DSCAML1: variants seen among roughly 807,000 people sequenced by gnomAD.
DSCAML1 encodes DS cell adhesion molecule like 1, also known as cell adhesion molecule DSCAML1.
DSCAML1 carries 38 observed loss-of-function variants against 200.5 expected under a neutral mutation model. The observed-to-expected ratio is 0.19, with a 90% confidence interval of 0.15 to 0.25. The LOEUF is 0.25. Ranked by LOEUF, DSCAML1 falls within the 10% of genes least tolerant of loss-of-function variation. DSCAML1 has a pLI of 1.00. For missense variants in DSCAML1, 2,223 were observed against 2,858.8 expected (o/e 0.78, Z 5.07); for synonymous variants, 1,215 against 1,165.0 (o/e 1.04, Z -0.87).
intron 3 of DSCAML1, among the ~76,000 whole-genome samples, chr11:117,708,067 A>G (rs528783100): frequency 1.5e-4 from 23 of 152,252 alleles, no homozygotes; most frequent in African/African-American, 5.3e-4. Context: ...GGACAACACC[A>G]TGTCTTCAAC....
chr11:117,518,446 A>G lies in DSCAML1; in HGVS notation c.1510+20T>C. The G allele has an allele frequency of 6.2e-7, 1 of 1,614,056 alleles. No individual in the cohort carries two copies. The highest frequency in any genetic ancestry group is 8.5e-7 in the Non-Finnish European group (1 of 1,180,002). On this transcript the variant is annotated intron_variant, in intron 7 of 32. Coordinates refer to ENST00000651296, the MANE Select transcript of DSCAML1 (RefSeq NM_020693.4). This position sits in a 1 kb window ranked among gnomAD's most constrained non-coding sequence, Gnocchi z 6.3. ...AAGGAACTCAAAAACCTATTCTGATATTTAAATGTAGACAGGCACCTCTTA... is the reference window on the plus strand; with the variant it reads ...AAGGAACTCAAAAACCTATTCTGATGTTTAAATGTAGACAGGCACCTCTTA...
chr11:117,727,751 C>A (rs1006025904), intron 3 of DSCAML1, among the ~76,000 whole-genome samples: 1 of 152,146 alleles, frequency 6.6e-6, no homozygotes, highest in Non-Finnish European at 1.5e-5. Context: ...AATGGGAGCA[C>A]AGGCGAGGTG....
intron 14 of DSCAML1, among the ~76,000 whole-genome samples, chr11:117,475,193 T>A (rs2048765795): frequency 6.6e-6 from 1 of 152,116 alleles, no homozygotes; most frequent in Non-Finnish European, 1.5e-5. Flanking sequence ...GTTTCTTTCA[T>A]CTGTTCTCTA....
In DSCAML1 at chr11:117,439,193, C is replaced by A. The variant is rs375590468; in HGVS notation, c.4144+73G>T. 70 of 1,570,850 alleles carry A rather than the reference C, an allele frequency of 4.5e-5. No homozygotes were observed. In the African/African-American group the frequency reaches 8.1e-4, roughly 18 times the overall value. On this transcript the variant is annotated intron_variant, in intron 23 of 32. Coordinates refer to ENST00000651296, the MANE Select transcript of DSCAML1 (RefSeq NM_020693.4). ...TTGGCTTCTTCCATTCGATGACCCTCTCGCATGATGGAATCCCTACCCTTT... is the reference window on the plus strand; with the variant it reads ...TTGGCTTCTTCCATTCGATGACCCTATCGCATGATGGAATCCCTACCCTTT...
rs574295833 is a variant in DSCAML1 at position 117,501,506 on chromosome 11, C to T, written c.2359+2339G>A. Among the ~76,000 whole-genome samples the T allele has an allele frequency of 1.4e-4, 21 of 152,276 alleles. No individual in the cohort carries two copies. In the South Asian group the frequency reaches 2.9e-3, roughly 21 times the overall value. Reference sequence around the variant, plus strand: ...TCCATGACTGCTGCCCTGGAGCCTTCGATGTCCTTGGCCCTGCCTCTTCCC... The same window carrying T: ...TCCATGACTGCTGCCCTGGAGCCTTTGATGTCCTTGGCCCTGCCTCTTCCC... On this transcript the variant is annotated intron_variant, in intron 11 of 32. Coordinates refer to ENST00000651296, the MANE Select transcript of DSCAML1 (RefSeq NM_020693.4).
chr11:117,572,055 ACCAGAAAAATGGGCAAC>A (rs1158154486), intron 3 of DSCAML1, among the ~76,000 whole-genome samples: 2 of 152,178 alleles, frequency 1.3e-5, no homozygotes, highest in East Asian at 3.9e-4. Flanking sequence ...TCAAGAAATA[ACCAGAAAAATGGGCAAC>A]CAGCAGCCCT....
At chr11:117,798,198 G>A (rs1020452860), upstream of DSCAML1, among the ~76,000 whole-genome samples, 4 of 152,248 alleles carry the variant, frequency 2.6e-5, no homozygotes, top group Non-Finnish European at 5.9e-5. Flanking sequence ...CCCTTTGCAG[G>A]GTCATGGAAG....
At chr11:117,557,158 T>G (rs1326226440) in intron 3 of DSCAML1, among the ~76,000 whole-genome samples, 1 of 151,898 alleles carries the variant, frequency 6.6e-6, no homozygotes, top group African/African-American at 2.4e-5. Context: ...TCTATGAGAG[T>G]CAGGTGTCAT....
chr11:117,446,989 T>G (rs2048192083), intron 20 of DSCAML1, among the ~76,000 whole-genome samples: 1 of 152,178 alleles, frequency 6.6e-6, no homozygotes, highest in South Asian at 2.1e-4. Flanking sequence ...AAACAGCCAC[T>G]CAAGATCATG....
chr11:117,750,151 A>G (rs972449063), intron 3 of DSCAML1, among the ~76,000 whole-genome samples: 4 of 152,326 alleles, frequency 2.6e-5, no homozygotes, highest in South Asian at 2.1e-4. Context: ...TGGCTGGAAG[A>G]GAGAGAACAA....
intron 14 of DSCAML1, among the ~76,000 whole-genome samples, chr11:117,473,100 C>T (rs2048718017): frequency 6.6e-6 from 1 of 152,166 alleles, no homozygotes; most frequent in South Asian, 2.1e-4. Flanking sequence ...AAAAATTCTC[C>T]ATAGAAAAGA....
chr11:117,483,632 G>C (rs1380662202), intron 11 of DSCAML1, among the ~76,000 whole-genome samples: 1 of 152,208 alleles, frequency 6.6e-6, no homozygotes, highest in East Asian at 1.9e-4. Flanking sequence ...CCCTGACCCA[G>C]CAAGACTTAA....
In DSCAML1 at chr11:117,428,680, T is replaced by C. The variant is rs1469757297; in HGVS notation, c.5810A>G (p.Tyr1937Cys). Residue 1937 changes from tyrosine to cysteine, a missense_variant, in exon 33 of 33, where the codon TAC becomes TGC. By Grantham distance (194) the Tyr-to-Cys change is radical. Coordinates refer to ENST00000651296, the MANE Select transcript of DSCAML1 (RefSeq NM_020693.4). ...GGTCAGGTGGCGAGCCTGGGTGTGG[T>C]AGGTTCGAGCCAGGTTCCGGATGGA... ...EASIRNLARTYHTQARHLTLD... is the reference protein window; with the variant it reads ...EASIRNLARTCHTQARHLTLD... 1 of 1,612,562 alleles carries C rather than the reference T, an allele frequency of 6.2e-7. No individual in the cohort carries two copies. Among genetic ancestry groups the C allele is most frequent in the Admixed American group, 1.7e-5 (1 of 59,856 alleles).
intron 3 of DSCAML1, among the ~76,000 whole-genome samples, chr11:117,640,355 T>G (rs1473395213): frequency 1.3e-5 from 2 of 152,204 alleles, no homozygotes; most frequent in African/African-American, 2.4e-5. Flanking sequence ...CTATGTGACC[T>G]GCTTTCATCC....
At chr11:117,456,561 TAA>T (rs1245744095) in intron 19 of DSCAML1, among the ~76,000 whole-genome samples, 4 of 152,126 alleles carry the variant, frequency 2.6e-5, no homozygotes, top group Admixed American at 1.3e-4. Context: ...TTGGGCAGGT[TAA>T]GTCATATTAT....
intron 8 of DSCAML1, among the ~76,000 whole-genome samples, chr11:117,510,052 C>T (rs1056004726): frequency 1.3e-5 from 2 of 152,242 alleles, no homozygotes; most frequent in Non-Finnish European, 2.9e-5. Context: ...TGAGAAGACA[C>T]AGTGGTCGAG....
At chr11:117,797,279 G>T, upstream of DSCAML1, 3 of 1,345,432 alleles carry the variant, frequency 2.2e-6, no homozygotes, top group Non-Finnish European at 2.8e-6. Flanking sequence ...TGGGCTAGGC[G>T]GCCGCTCTCC....
chr11:117,745,501 T>C (rs965033346), intron 3 of DSCAML1, among the ~76,000 whole-genome samples: 1 of 152,060 alleles, frequency 6.6e-6, no homozygotes, highest in African/African-American at 2.4e-5. Context: ...ATGCAGGTGG[T>C]CAGCACTGGG....
chr11:117,532,925 G>A (rs2050107556), intron 3 of DSCAML1, among the ~76,000 whole-genome samples: 1 of 151,862 alleles, frequency 6.6e-6, no homozygotes, highest in South Asian at 2.1e-4. Context: ...AGGAATTGGA[G>A]TTGGAGACTA....
Sources: gnomAD v4.1 joint callset for allele counts (sites outside exome capture counted in the v4.1 genomes callset) on GRCh38, gnomAD v4.1.1 for gene constraint, Gnocchi (gnomAD v3.1) non-coding constraint, MANE v1.5 for transcripts, NCBI Gene and HGNC (gene_info 2026-07-23, HGNC 2026-07-21) for gene names.